Variants in LRRTM3 observed in about 807,000 individuals in gnomAD.
The protein encoded by LRRTM3 is leucine-rich repeat transmembrane neuronal protein 3.
A neutral mutation model predicts 44.7 loss-of-function variants in LRRTM3; 24 were observed. The ratio of observed to expected loss-of-function variants is 0.54; its 90% CI spans 0.39 to 0.76. The LOEUF (loss-of-function observed/expected upper bound fraction) is 0.76. LRRTM3 is among the 30% of genes least tolerant of loss of function. The pLI, the probability that LRRTM3 is intolerant of heterozygous loss-of-function variation, is 0.00. For missense variants in LRRTM3, 587 were observed against 702.2 expected, an observed-to-expected ratio of 0.84 and a Z score of 1.85; for synonymous variants, 277 against 278.7, an observed-to-expected ratio of 0.99 and a Z score of 0.06.
At chr10:67,056,212 G>A (rs181264259) in intron 2 of LRRTM3, among the ~76,000 whole-genome samples, 39 of 152,208 alleles carry the variant, frequency 2.6e-4, no homozygotes, top group African/African-American at 9.1e-4. Context: ...ATAAAATATG[G>A]TTGGTATACA....
At chr10:67,082,337 G>A (rs906900381) in intron 2 of LRRTM3, among the ~76,000 whole-genome samples, 2 of 152,028 alleles carry the variant, frequency 1.3e-5, no homozygotes, top group African/African-American at 4.8e-5. Context: ...TAGATTTATT[G>A]CCTTGGTGAT....
intron 2 of LRRTM3, among the ~76,000 whole-genome samples, chr10:67,022,704 G>A (rs1022462435): frequency 2.0e-5 from 3 of 152,234 alleles, no homozygotes; most frequent in Non-Finnish European, 2.9e-5. Context: ...TTGGGAGGCC[G>A]AGGCGGGCAG....
intron 2 of LRRTM3, among the ~76,000 whole-genome samples, chr10:67,024,243 T>C (rs1853208776): frequency 6.6e-6 from 1 of 152,190 alleles, no homozygotes; most frequent in Admixed American, 6.5e-5. Flanking sequence ...CAAATTTTTC[T>C]CCTCTCTAGC....
At chr10:66,972,307 C>CAA (rs2132832805) in intron 2 of LRRTM3, among the ~76,000 whole-genome samples, 1 of 152,184 alleles carries the variant, frequency 6.6e-6, no homozygotes, top group East Asian at 1.9e-4. Context: ...ATTTATTATA[C>CAA]TATATATAGC....
chr10:66,928,548 C>T (rs967047461), intron 2 of LRRTM3, 96 bp downstream of exon 2: 72 of 1,105,622 alleles, frequency 6.5e-5, no homozygotes, highest in Admixed American at 5.0e-4. Context: ...CGATGCCCCC[C>T]CTCCCCTTCC....
At chr10:67,059,843 A>G (rs536332383) in intron 2 of LRRTM3, among the ~76,000 whole-genome samples, 2 of 152,292 alleles carry the variant, frequency 1.3e-5, no homozygotes, top group Admixed American at 1.3e-4. Context: ...AATAGCATGT[A>G]TGTCTTTATT....
intron 2 of LRRTM3, among the ~76,000 whole-genome samples, chr10:66,952,442 A>G (rs1171972290): frequency 6.6e-6 from 1 of 152,210 alleles, no homozygotes; most frequent in Non-Finnish European, 1.5e-5. Flanking sequence ...TTAAGCTACG[A>G]AGGGCCTTGG....
chr10:67,064,830 C>G (rs1378776320), intron 2 of LRRTM3, among the ~76,000 whole-genome samples: 1 of 152,120 alleles, frequency 6.6e-6, no homozygotes, highest in Non-Finnish European at 1.5e-5. Flanking sequence ...TCTTTTCAGT[C>G]AGAGGGACAG....
rs967659367 is a variant in LRRTM3, at chr10:67,083,322, T to C, written c.1537-14265T>C. On this transcript the variant is annotated intron_variant, in intron 2 of 2. Coordinates refer to ENST00000361320, the MANE Select transcript of LRRTM3 (RefSeq NM_178011.5). ...CACTATGAAGACCAAGCAATCAATA[T>C]AATGATTAGGAAACAGTTCCAATCA... Among the ~76,000 whole-genome samples the C allele has an allele frequency of 1.4e-4, 22 of 152,012 alleles. No homozygotes were observed. The East Asian group carries it at 4.2e-3, about 29-fold the overall frequency.
At chr10:67,076,512 CCTT>C (rs1294316142) in intron 2 of LRRTM3, among the ~76,000 whole-genome samples, 2 of 152,142 alleles carry the variant, frequency 1.3e-5, no homozygotes, top group Non-Finnish European at 2.9e-5. Flanking sequence ...AATGCCAAGC[CCTT>C]CTTCTTATAA....
intron 2 of LRRTM3, among the ~76,000 whole-genome samples, chr10:67,038,019 G>A (rs1304304580): frequency 1.3e-5 from 2 of 152,050 alleles, no homozygotes; most frequent in Admixed American, 6.5e-5. Context: ...CATAGGAGAC[G>A]AGAGATTTTA....
At chr10:66,929,357 T>A (rs1026140795) in intron 2 of LRRTM3, among the ~76,000 whole-genome samples, 1 of 152,196 alleles carries the variant, frequency 6.6e-6, no homozygotes, top group Non-Finnish European at 1.5e-5. Flanking sequence ...GGTTGAGAGC[T>A]TACCAGAATT....
At chr10:66,945,823 G>C (rs1848242271) in intron 2 of LRRTM3, among the ~76,000 whole-genome samples, 1 of 152,102 alleles carries the variant, frequency 6.6e-6, no homozygotes, top group Non-Finnish European at 1.5e-5. Context: ...TGTGTCTCAG[G>C]GAATAGGGAG....
chr10:66,961,793 T>C (rs1849120734), intron 2 of LRRTM3, among the ~76,000 whole-genome samples: 2 of 152,140 alleles, frequency 1.3e-5, no homozygotes, highest in Admixed American at 6.6e-5. Context: ...ACTTAATACA[T>C]GCAAAGTGAC....
intron 2 of LRRTM3, among the ~76,000 whole-genome samples, chr10:66,931,440 A>AT (rs1482020106): frequency 1.3e-5 from 2 of 152,282 alleles, no homozygotes; most frequent in East Asian, 3.9e-4. Flanking sequence ...TTTTCCAAGG[A>AT]CGTTGACATT....
At chr10:66,938,501 G>A (rs906601308) in intron 2 of LRRTM3, among the ~76,000 whole-genome samples, 2 of 152,146 alleles carry the variant, frequency 1.3e-5, no homozygotes, top group East Asian at 1.9e-4. Context: ...TTCATTAAGC[G>A]AAATGGATAA....
At chr10:66,971,685 G>A (rs1400762538) in intron 2 of LRRTM3, among the ~76,000 whole-genome samples, 2 of 152,092 alleles carry the variant, frequency 1.3e-5, no homozygotes, top group Non-Finnish European at 2.9e-5. Flanking sequence ...GTAAGAACAG[G>A]TAAGGGTATA....
chr10:67,042,913 T>C (rs915628926), intron 2 of LRRTM3, among the ~76,000 whole-genome samples: 2 of 152,126 alleles, frequency 1.3e-5, no homozygotes, highest in Admixed American at 6.5e-5. Flanking sequence ...TGTAACAAAT[T>C]TGAATATATT....
rs941376630 is a variant in LRRTM3 at position 67,022,811 on chromosome 10, G to A, written c.1537-74776G>A. 7.9e-5 allele frequency among the ~76,000 whole-genome samples: 12 copies of A among 152,014 alleles called. No individual in the cohort carries two copies. The East Asian group carries it at 1.6e-3, about 20-fold the overall frequency. On this transcript the variant is annotated intron_variant, in intron 2 of 2. Coordinates refer to ENST00000361320, the MANE Select transcript of LRRTM3 (RefSeq NM_178011.5). Reference sequence around the variant, plus strand: ...AAATTAGCCGGGCGTGGTGGTGCACGCCTATAATCCCAGCTACTCAGGAGG... The same window carrying A: ...AAATTAGCCGGGCGTGGTGGTGCACACCTATAATCCCAGCTACTCAGGAGG...
Sources: gnomAD v4.1 joint callset for allele counts (sites outside exome capture counted in the v4.1 genomes callset) on GRCh38, gnomAD v4.1.1 for gene constraint, MANE v1.5 for transcripts, NCBI Gene and HGNC (gene_info 2026-07-23, HGNC 2026-07-21) for gene names.